Variants in CPEB1 observed in about 807,000 individuals in gnomAD.
CPEB1 encodes the protein cytoplasmic polyadenylation element-binding protein 1.
In CPEB1, 7 loss-of-function variants were observed where a neutral mutation model predicts 65.8. The observed-to-expected ratio is 0.11, with a 90% CI of 0.06 to 0.20. The LOEUF (loss-of-function observed/expected upper bound fraction) is 0.20, where lower values mean the gene tolerates loss of function less well. Ranked by LOEUF, CPEB1 falls within the 10% of genes least tolerant of loss-of-function variation. The pLI is 1.00. For missense variants in CPEB1, 551 were observed against 712.2 expected (o/e 0.77, Z 2.58); for synonymous variants, 262 against 260.0 (o/e 1.01, Z -0.08).
intron 3 of CPEB1, among the ~76,000 whole-genome samples, chr15:82,595,711 C>A (rs1192784106): frequency 2.6e-5 from 4 of 152,188 alleles, no homozygotes; most frequent in Non-Finnish European, 5.9e-5. Context: ...AAGAAACGTT[C>A]TCTTCTGGTT....
At chr15:82,592,123 G>T (rs1348742345) in intron 3 of CPEB1, among the ~76,000 whole-genome samples, 2 of 151,754 alleles carry the variant, frequency 1.3e-5, no homozygotes, top group Non-Finnish European at 2.9e-5. Context: ...ATTACAAGCA[G>T]GAGCCACCAC....
chr15:82,564,443 A>G (rs887819033), intron 4 of CPEB1, among the ~76,000 whole-genome samples: 27 of 150,880 alleles, frequency 1.8e-4, no homozygotes, highest in African/African-American at 5.9e-4. Context: ...CTGCCACCAC[A>G]CCCGGCTAAT....
chr15:82,626,838 G>A (rs1408852579), intron 3 of CPEB1, among the ~76,000 whole-genome samples: 3 of 151,966 alleles, frequency 2.0e-5, no homozygotes, highest in Non-Finnish European at 2.9e-5. Context: ...ATAATATATT[G>A]GGTTAAATAA....
chr15:82,547,385 C>G, intron 10 of CPEB1, 148 bp from the exon 11 acceptor site: 1 of 557,050 alleles, frequency 1.8e-6, no homozygotes, highest in East Asian at 3.0e-5. Flanking sequence ...CAAGCTCTGC[C>G]TCCCGGTTTC....
chr15:82,599,057 G>T (rs1220577017), intron 3 of CPEB1, among the ~76,000 whole-genome samples: 1 of 152,112 alleles, frequency 6.6e-6, no homozygotes, highest in Admixed American at 6.5e-5. Context: ...GATACCAGAC[G>T]ATCCATTGGA....
chr15:82,571,046 T>C (rs2151050067), intron 4 of CPEB1, among the ~76,000 whole-genome samples: 1 of 152,286 alleles, frequency 6.6e-6, no homozygotes, highest in East Asian at 1.9e-4. Flanking sequence ...AGCTGGATCT[T>C]TTCTGCACAA....
chr15:82,578,912 G>A lies in CPEB1; in HGVS notation c.272-7380C>T, dbSNP rs72751654. Among the ~76,000 whole-genome samples the A allele has an allele frequency of 7.5e-3, 1,146 of 152,148 alleles. 13 individuals are homozygous for A. Among genetic ancestry groups the A allele is most frequent in the Non-Finnish European group, 8.5e-3 (577 of 67,996 alleles). On this transcript the variant is annotated intron_variant, in intron 3 of 12. Coordinates refer to ENST00000684509, the MANE Select transcript of CPEB1 (RefSeq NM_001365242.1). Reference sequence around the variant, plus strand: ...AATCTTGGCTTACTACAACCTCCACGTCCTAGGCTCAGAAAATTCTCCTGC... The same window carrying A: ...AATCTTGGCTTACTACAACCTCCACATCCTAGGCTCAGAAAATTCTCCTGC...
At chr15:82,563,308 AAAGTT>A (rs1288235083) in intron 4 of CPEB1, among the ~76,000 whole-genome samples, 1 of 151,850 alleles carries the variant, frequency 6.6e-6, no homozygotes, top group Non-Finnish European at 1.5e-5. Context: ...TAAATTGACT[AAAGTT>A]AACTGTTTTG....
intron 1 of CPEB1, among the ~76,000 whole-genome samples, chr15:82,638,322 C>G (rs1339857684): frequency 1.3e-5 from 2 of 152,086 alleles, no homozygotes; most frequent in Non-Finnish European, 2.9e-5. Flanking sequence ...TCTTTTACTC[C>G]TATCTGTTAG....
chr15:82,628,676 C>T (rs1020993819), intron 1 of CPEB1, 120 bp from the exon 2 acceptor site: 10 of 542,704 alleles, frequency 1.8e-5, no homozygotes, highest in African/African-American at 1.7e-4. Context: ...CCTGCTTCTC[C>T]TTACATCCGC....
At chr15:82,598,214 G>A (rs750061045) in intron 3 of CPEB1, among the ~76,000 whole-genome samples, 13 of 152,206 alleles carry the variant, frequency 8.5e-5, no homozygotes, top group Non-Finnish European at 1.6e-4. Flanking sequence ...GGTGGCTCAC[G>A]CCTGTAATCC....
intron 4 of CPEB1, among the ~76,000 whole-genome samples, chr15:82,566,957 T>C (rs1329233137): frequency 6.6e-6 from 1 of 152,064 alleles, no homozygotes; most frequent in Non-Finnish European, 1.5e-5. Context: ...GGCAGAAGAA[T>C]GGGAGAGACC....
intron 3 of CPEB1, among the ~76,000 whole-genome samples, chr15:82,574,534 G>A (rs1182989529): frequency 6.6e-6 from 1 of 151,612 alleles, no homozygotes; most frequent in African/African-American, 2.4e-5. Context: ...TCTGGCCAAC[G>A]TGGTGAAAAC....
chr15:82,606,187 G>A (rs377229253), intron 3 of CPEB1, among the ~76,000 whole-genome samples: 3 of 152,284 alleles, frequency 2.0e-5, no homozygotes, highest in African/African-American at 7.2e-5. Flanking sequence ...GCTAGTTCCA[G>A]CTGGGCATGG....
At chr15:82,547,878 G>A (rs903794289) in intron 10 of CPEB1, among the ~76,000 whole-genome samples, 4 of 151,730 alleles carry the variant, frequency 2.6e-5, no homozygotes, top group African/African-American at 9.7e-5. Context: ...TCACCATATT[G>A]TCCAGGCTGG....
chr15:82,586,104 G>C (rs1268823277), intron 3 of CPEB1, among the ~76,000 whole-genome samples: 1 of 152,182 alleles, frequency 6.6e-6, no homozygotes, highest in African/African-American at 2.4e-5. Context: ...GGATACAAAA[G>C]TATGTAAGGT....
intron 3 of CPEB1, among the ~76,000 whole-genome samples, chr15:82,608,173 A>AT (rs2043804279): frequency 1.3e-5 from 2 of 152,254 alleles, no homozygotes; most frequent in South Asian, 4.1e-4. Context: ...CTCATATTTC[A>AT]TTCCCCAGCC....
rs1420868642 is a variant in CPEB1 at position 82,612,913 on chromosome 15, C to CA, written c.271+14279dup. On this transcript the variant is annotated intron_variant, in intron 3 of 12. Coordinates refer to ENST00000684509, the MANE Select transcript of CPEB1 (RefSeq NM_001365242.1). ...AATCCACATTTTAAAAACTGTTCCT[C>CA]AAAAAAACAAAAACAAACAAAAACA... Among the ~76,000 whole-genome samples, 258 of 151,962 alleles carry CA rather than the reference C, an allele frequency of 1.7e-3. 1 individual carries two copies. The highest frequency in any genetic ancestry group is 6.1e-3 in the African/African-American group (251 of 41,458).
rs182516374 is a variant in CPEB1 at position 82,597,708 on chromosome 15, T to C, written c.272-26176A>G. Reference sequence around the variant, plus strand: ...AGCTCTTTCTCTTTTTCAGGGGGAATTGGGTTTTCTTACATACAACTGAGT... The same window carrying C: ...AGCTCTTTCTCTTTTTCAGGGGGAACTGGGTTTTCTTACATACAACTGAGT... On this transcript the variant is annotated intron_variant, in intron 3 of 12. Coordinates refer to ENST00000684509, the MANE Select transcript of CPEB1 (RefSeq NM_001365242.1). Among the ~76,000 whole-genome samples the C allele has an allele frequency of 2.8e-3, 431 of 152,294 alleles. 3 individuals carry two copies. The highest frequency in any genetic ancestry group is 9.8e-3 in the African/African-American group (409 of 41,574).
Sources: gnomAD v4.1 joint callset for allele counts (sites outside exome capture counted in the v4.1 genomes callset) on GRCh38, gnomAD v4.1.1 for gene constraint, MANE v1.5 for transcripts, NCBI Gene and HGNC (gene_info 2026-07-23, HGNC 2026-07-21) for gene names.